AKR1E2: variants seen among roughly 807,000 people sequenced by gnomAD.
The protein encoded by AKR1E2 is aldo-keto reductase family 1 member E2.
Under a neutral mutation model 41.9 loss-of-function variants are expected in AKR1E2, and 43 were observed. The observed-to-expected ratio is 1.03, with a 90% confidence interval of 0.80 to 1.32. The LOEUF is 1.32. AKR1E2 is among the 40% of genes most tolerant of loss of function. The pLI is 0.00. For synonymous variants in AKR1E2, 121 were observed against 138.9 expected, an observed-to-expected ratio of 0.87 and a Z score of 0.91; for missense variants, 423 against 396.5, an observed-to-expected ratio of 1.07 and a Z score of -0.57.
chr10:4,863,427 A>C, the AKR1E2 span, among the ~76,000 whole-genome samples: 5 of 152,210 alleles, frequency 3.3e-5, no homozygotes, highest in Admixed American at 3.3e-4. Flanking sequence ...ACAAAAACAC[A>C]ACATACCAGA....
chr10:4,850,468 AG>A (rs1413130422), downstream of AKR1E2, among the ~76,000 whole-genome samples: 1 of 152,224 alleles, frequency 6.6e-6, no homozygotes. Flanking sequence ...GGAGGATGGC[AG>A]GGCCTCGCTG....
upstream of AKR1E2, among the ~76,000 whole-genome samples, chr10:4,825,805 G>A (rs1423473326): frequency 6.6e-6 from 1 of 152,186 alleles, no homozygotes; most frequent in Non-Finnish European, 1.5e-5. Context: ...AGGATGGCCC[G>A]GCCATGGCGA....
chr10:4,842,582 G>A (rs1687949283), intron 8 of AKR1E2, 78 bp downstream of exon 8: 2 of 1,384,830 alleles, frequency 1.4e-6, no homozygotes, highest in South Asian at 2.4e-5. Context: ...GTAGCATACA[G>A]CCTCAGGGTT....
At chr10:4,841,201 C>G (rs1193838729) in intron 6 of AKR1E2, among the ~76,000 whole-genome samples, 4 of 152,136 alleles carry the variant, frequency 2.6e-5, no homozygotes, top group African/African-American at 9.7e-5. Flanking sequence ...GATACTAGCA[C>G]AATGCCTGAA....
chr10:4,844,758 G>A (rs1834183300), intron 8 of AKR1E2, among the ~76,000 whole-genome samples: 1 of 152,236 alleles, frequency 6.6e-6, no homozygotes, highest in Non-Finnish European at 1.5e-5. Flanking sequence ...CAAACCGTGA[G>A]CTAGATACAG....
chr10:4,849,752 A>G (rs1485925447), downstream of AKR1E2, among the ~76,000 whole-genome samples: 8 of 152,196 alleles, frequency 5.3e-5, no homozygotes, highest in African/African-American at 1.9e-4. Flanking sequence ...ATAGCTGGCC[A>G]ATGAGGATCC....
chr10:4,846,444 T>G (rs1176643074), intron 8 of AKR1E2, among the ~76,000 whole-genome samples: 1 of 152,162 alleles, frequency 6.6e-6, no homozygotes, highest in African/African-American at 2.4e-5. Flanking sequence ...TTAGAGTTCA[T>G]AGTCCCAGGG....
intron 1 of AKR1E2, among the ~76,000 whole-genome samples, chr10:4,828,257 T>G (rs1031795727): frequency 6.6e-6 from 1 of 152,154 alleles, no homozygotes; most frequent in Non-Finnish European, 1.5e-5. Context: ...TCCGCACATC[T>G]CCTGTCCTCG....
the AKR1E2 span, among the ~76,000 whole-genome samples, chr10:4,855,162 C>T: frequency 6.6e-6 from 1 of 152,190 alleles, no homozygotes; most frequent in African/African-American, 2.4e-5. Flanking sequence ...GCCTTTCCCA[C>T]CCTGCCTCAG....
intron 1 of AKR1E2, among the ~76,000 whole-genome samples, chr10:4,828,034 A>G (rs546015195): frequency 1.3e-5 from 2 of 152,204 alleles, no homozygotes; most frequent in Non-Finnish European, 2.9e-5. Context: ...GGTCTATGCA[A>G]AGGCTTATTT....
At chr10:4,842,002 A>G (rs996748188) in intron 7 of AKR1E2, 145 bp downstream of exon 7, 4 of 672,494 alleles carry the variant, frequency 5.9e-6, no homozygotes, top group Non-Finnish European at 9.6e-6. Context: ...AGCGTCAAGC[A>G]GAATTTGGTC....
chr10:4,859,265 TTTCTA>T, the AKR1E2 span, among the ~76,000 whole-genome samples: 1 of 152,206 alleles, frequency 6.6e-6, no homozygotes, highest in Admixed American at 6.5e-5. Context: ...TGAAGCATCG[TTTCTA>T]TTCTCAACTC....
At chr10:4,825,748 G>A (rs545655937), upstream of AKR1E2, among the ~76,000 whole-genome samples, 1 of 152,310 alleles carries the variant, frequency 6.6e-6, no homozygotes, top group Non-Finnish European at 1.5e-5. Context: ...CGCACCCTGT[G>A]CCCCAGGGGA....
downstream of AKR1E2, among the ~76,000 whole-genome samples, chr10:4,852,603 ACTGTGCCACCCCAC>A (rs1834549458): frequency 9.2e-5 from 14 of 152,044 alleles, no homozygotes; most frequent in Middle Eastern, 3.2e-3. Flanking sequence ...GACCTTCACC[ACTGTGCCACCCCAC>A]CTGGTGTCTA....
chr10:4,826,033 G>A (rs1832456282), upstream of AKR1E2: 1 of 384,144 alleles, frequency 2.6e-6, no homozygotes, highest in East Asian at 3.7e-5. Flanking sequence ...AGCCAATCAG[G>A]ATGTCCAGAG....
the AKR1E2 span, among the ~76,000 whole-genome samples, chr10:4,862,424 G>A: frequency 6.6e-6 from 1 of 152,050 alleles, no homozygotes; most frequent in Admixed American, 6.5e-5. Flanking sequence ...GCTCTTTTTT[G>A]GTTCCATATG....
At chr10:4,870,531 T>C in the AKR1E2 span, among the ~76,000 whole-genome samples, 2 of 152,016 alleles carry the variant, frequency 1.3e-5, no homozygotes, top group African/African-American at 2.4e-5. Flanking sequence ...GATGTCTCTT[T>C]TATTTTGAAA....
At chr10:4,857,992 C>T in the AKR1E2 span, among the ~76,000 whole-genome samples, 1 of 151,988 alleles carries the variant, frequency 6.6e-6, no homozygotes, top group Non-Finnish European at 1.5e-5. Context: ...TTTTATATAT[C>T]TCTTCTCTTG....
the AKR1E2 span, among the ~76,000 whole-genome samples, chr10:4,855,561 G>C: frequency 1.1e-4 from 9 of 84,018 alleles, no homozygotes; most frequent in Admixed American, 4.4e-4. Flanking sequence ...CCCAGGTTCA[G>C]GTCCAATTCC....
Sources: allele counts gnomAD v4.1 joint callset (sites outside exome capture counted in the v4.1 genomes callset), GRCh38; gene constraint gnomAD v4.1.1; transcripts MANE v1.5; gene names NCBI Gene and HGNC (gene_info 2026-07-23, HGNC 2026-07-21).